The following TOP1 variants were observed in gnomAD, a reference collection of about 807,000 sequenced individuals.
The protein encoded by TOP1 is DNA topoisomerase I.
Under a neutral mutation model 111.1 loss-of-function variants are expected in TOP1, and 10 were observed. The observed-to-expected ratio is 0.09, with a 90% confidence interval of 0.06 to 0.15. TOP1 has a LOEUF of 0.15. Among genes scored for constraint, TOP1 ranks in the 10% least tolerant of loss-of-function variants. The pLI is 1.00. For missense variants in TOP1, 474 were observed against 926.7 expected (o/e 0.51, Z 6.34); for synonymous variants, 271 against 302.9 (o/e 0.89, Z 1.10).
At chr20:41,065,052 T>A (rs1313337048) in intron 3 of TOP1, among the ~76,000 whole-genome samples, 1 of 152,004 alleles carries the variant, frequency 6.6e-6, no homozygotes, top group Non-Finnish European at 1.5e-5. Flanking sequence ...TTAAGGTGCG[T>A]GCCCCGACAC....
Position 41,098,072 on chromosome 20 carries a change from TCAAA to T in TOP1, c.853-142_853-139del. 2 of 762,632 alleles carry T rather than the reference TCAAA, an allele frequency of 2.6e-6. No homozygotes were observed. The highest frequency in any genetic ancestry group is 1.8e-5 in the African/African-American group (1 of 56,532). 47.2% of individuals were successfully genotyped at this position (762,632 alleles called of 1,614,324 possible). A position where few individuals can be genotyped will look rare whatever the true frequency, so the allele number is the denominator to read the frequency against. ...AATACAACTGTATTTTTTTGTTTTT[TCAAA>T]ATTCATTAATTGAGATTGGCTACTT... On this transcript the variant is annotated intron_variant, in intron 10 of 20. Transcript: ENST00000361337. The surrounding 1 kb of genome is among the most constrained non-coding windows in gnomAD (Gnocchi z 5.7).
intron 8 of TOP1, among the ~76,000 whole-genome samples, chr20:41,090,194 C>T (rs1163701472): frequency 1.3e-5 from 2 of 152,088 alleles, no homozygotes; most frequent in Admixed American, 6.5e-5. Context: ...AGGCTGGTCT[C>T]GAACTCCTGA....
In TOP1 at chr20:41,034,511, G is replaced by A. The variant is rs779107237; in HGVS notation, c.58+5056G>A. On this transcript the variant is annotated intron_variant, in intron 2 of 20. Coordinates refer to ENST00000361337, the MANE Select transcript of TOP1 (RefSeq NM_003286.4). The surrounding 1 kb of genome is among the most constrained non-coding windows in gnomAD (Gnocchi z 4.0). ...TGGAGAGGGATGTAAATGAGGGCAG[G>A]GTGGACAAAGTTTGATTGGGGGTTG... 5.9e-5 allele frequency among the ~76,000 whole-genome samples: 9 copies of A among 152,196 alleles called. No homozygotes were observed. The highest frequency in any genetic ancestry group is 1.2e-4 in the Non-Finnish European group (8 of 68,030).
At chr20:41,105,664 A>G (rs2034134225) in intron 13 of TOP1, among the ~76,000 whole-genome samples, 1 of 151,960 alleles carries the variant, frequency 6.6e-6, no homozygotes, top group African/African-American at 2.4e-5. Flanking sequence ...TGCCCAGCTA[A>G]TTTTTGTATT....
At chr20:41,074,578 T>C (rs549201484) in intron 3 of TOP1, among the ~76,000 whole-genome samples, 3 of 152,350 alleles carry the variant, frequency 2.0e-5, no homozygotes, top group African/African-American at 7.2e-5. Flanking sequence ...TCTTAAAGTT[T>C]CTGCCTATTC....
chr20:41,113,043 A>T, intron 14 of TOP1, 118 bp downstream of exon 14: 1 of 1,069,202 alleles, frequency 9.4e-7, no homozygotes, highest in Non-Finnish European at 1.3e-6. Context: ...ATATATTTGT[A>T]TGTAAAACTG....
chr20:41,108,219 C>T (rs748389833), intron 13 of TOP1, among the ~76,000 whole-genome samples: 4 of 152,136 alleles, frequency 2.6e-5, no homozygotes, highest in Admixed American at 2.6e-4. Flanking sequence ...TTCTAAGAGT[C>T]GTCTTTGTTT....
At chr20:41,091,811 G>T (rs549883795) in intron 8 of TOP1, among the ~76,000 whole-genome samples, 1 of 151,970 alleles carries the variant, frequency 6.6e-6, no homozygotes, top group Non-Finnish European at 1.5e-5. Flanking sequence ...TGATCTGCCC[G>T]CCTCGGCCTC....
At chr20:41,035,781 G>A (rs1015586222) in intron 2 of TOP1, among the ~76,000 whole-genome samples, 1 of 152,176 alleles carries the variant, frequency 6.6e-6, no homozygotes, top group African/African-American at 2.4e-5. Context: ...AAGTCCAAAT[G>A]TTAATCTTGC....
chr20:41,039,790 C>G (rs1235650723), intron 2 of TOP1, among the ~76,000 whole-genome samples: 2 of 152,060 alleles, frequency 1.3e-5, no homozygotes, highest in African/African-American at 2.4e-5. Context: ...CGCCTGTAGT[C>G]CAGCTACTTG....
At chr20:41,043,363 C>G (rs1398151578) in intron 2 of TOP1, among the ~76,000 whole-genome samples, 2 of 152,158 alleles carry the variant, frequency 1.3e-5, no homozygotes, top group African/African-American at 2.4e-5. Flanking sequence ...TGCTTTCTTA[C>G]AGTTGTGAAG....
chr20:41,099,962 C>T, intron 11 of TOP1, 94 bp from the exon 12 acceptor site: 6 of 799,340 alleles, frequency 7.5e-6, no homozygotes, highest in Admixed American at 3.0e-5. Context: ...TCAGACTTTC[C>T]TCTACCTTGA....
At chr20:41,072,544 G>A in intron 3 of TOP1, 1 of 985,430 alleles carries the variant, frequency 1.0e-6, no homozygotes. Flanking sequence ...CCCTGGACAT[G>A]CTTCTGTATC....
rs922346050 is a variant in TOP1 at position 41,098,109 on chromosome 20, C to G, written c.853-106C>G. ...AATTGAGATTGGCTACTTCCAGAAA[C>G]CTTTGACTGAAAAAATGGTGCTTGG... On this transcript the variant is annotated intron_variant, in intron 10 of 20. Coordinates refer to ENST00000361337, the MANE Select transcript of TOP1 (RefSeq NM_003286.4). This position sits in a 1 kb window ranked among gnomAD's most constrained non-coding sequence, Gnocchi z 5.7. 2 of 1,203,128 alleles carry G rather than the reference C, an allele frequency of 1.7e-6. No individual in the cohort carries two copies. The highest frequency in any genetic ancestry group is 1.5e-5 in the African/African-American group (1 of 65,468). 74.5% of individuals were successfully genotyped at this position (1,203,128 alleles called of 1,614,324 possible).
In TOP1 at chr20:41,029,463, T is replaced by C. The variant is rs765929064; in HGVS notation, c.58+8T>C. On this transcript the variant is annotated splice_region_variant and intron_variant, in intron 2 of 20. Coordinates refer to ENST00000361337, the MANE Select transcript of TOP1 (RefSeq NM_003286.4). The surrounding 1 kb of genome is among the most constrained non-coding windows in gnomAD (Gnocchi z 6.1). ...CGGATTTCCGATTGAATGGTGAGTG[T>C]GCCCCCTGCGCCGACTCCGGGGCCC... 3 of 1,541,550 alleles carry C rather than the reference T, an allele frequency of 1.9e-6. No homozygotes were observed. The African/African-American group carries it at 4.3e-5, about 22-fold the overall frequency.
At position 41,122,559 on chromosome 20, in the gene TOP1, A is replaced by G. The variant is rs966215350; in HGVS notation, c.2195+404A>G. ...AAGGTAGGAACAAGAGATAAAGATG[A>G]GAATACAGATCTGAGCAACTTACAC... is the stretch of plus-strand genomic sequence containing the variant. On this transcript the variant is annotated intron_variant, in intron 20 of 20. Transcript: ENST00000361337. This position sits in a 1 kb window ranked among gnomAD's most constrained non-coding sequence, Gnocchi z 5.4. 3.3e-5 allele frequency among the ~76,000 whole-genome samples: 5 copies of G among 152,338 alleles called. No individual in the cohort carries two copies. The highest frequency in any genetic ancestry group is 4.1e-4 in the South Asian group (2 of 4,828).
chr20:41,061,539 C>T lies in TOP1; in HGVS notation c.155+49C>T, dbSNP rs2033545226. On this transcript the variant is annotated intron_variant, in intron 3 of 20. Transcript: ENST00000361337. The surrounding 1 kb of genome is among the most constrained non-coding windows in gnomAD (Gnocchi z 4.6). ...CCTCATCATTCAGCAGTGGGTTGGCCATTGCTTGGCTTACCTGGAATAGGT... is the reference window on the plus strand; with the variant it reads ...CCTCATCATTCAGCAGTGGGTTGGCTATTGCTTGGCTTACCTGGAATAGGT... 3.4e-6 allele frequency: 5 copies of T among 1,492,200 alleles called. No homozygotes were observed. In the South Asian group the frequency reaches 4.8e-5, roughly 14 times the overall value. 92.4% of individuals were successfully genotyped at this position (1,492,200 alleles called of 1,614,324 possible).
chr20:41,045,381 C>T (rs1600556708), intron 2 of TOP1, among the ~76,000 whole-genome samples: 1 of 152,066 alleles, frequency 6.6e-6, no homozygotes, highest in East Asian at 1.9e-4. Context: ...TCCTGACTGA[C>T]ATTGTAAGTC....
chr20:41,115,551 T>C lies in TOP1; in HGVS notation c.1707+112T>C, dbSNP rs1169475743. The C allele has an allele frequency of 1.6e-5, 12 of 748,402 alleles. No individual in the cohort carries two copies. Among genetic ancestry groups the C allele is most frequent in the Non-Finnish European group, 2.8e-5 (12 of 427,122 alleles). 46.4% of individuals were successfully genotyped at this position (748,402 alleles called of 1,614,324 possible). ...GGGCTCTCCCTTTAGCCTGGCCTGC[T>C]CTGTGGCATCCCATACACTCTCTCT... On this transcript the variant is annotated intron_variant, in intron 16 of 20. Transcript: ENST00000361337. The surrounding 1 kb of genome is among the most constrained non-coding windows in gnomAD (Gnocchi z 6.3).
Sources: gnomAD v4.1 joint callset for allele counts (sites outside exome capture counted in the v4.1 genomes callset) on GRCh38, gnomAD v4.1.1 for gene constraint, Gnocchi (gnomAD v3.1) non-coding constraint, MANE v1.5 for transcripts, NCBI Gene and HGNC (gene_info 2026-07-23, HGNC 2026-07-21) for gene names.